ARFGAP1: variants seen among roughly 807,000 people sequenced by gnomAD.
ARFGAP1 encodes the protein ARF GTPase activating protein 1.
Under a neutral mutation model 54.0 loss-of-function variants are expected in ARFGAP1, and 26 were observed. The ratio of observed to expected loss-of-function variants is 0.48; its 90% CI spans 0.35 to 0.67. The LOEUF is 0.67. Among genes scored for constraint, ARFGAP1 ranks in the 30% least tolerant of loss-of-function variants. The pLI is 0.00. For synonymous variants in ARFGAP1, 248 were observed against 211.9 expected (o/e 1.17, Z -1.48); for missense variants, 525 against 535.8 (o/e 0.98, Z 0.20).
At chr20:63,273,726 C>G (rs910219023) in intron 1 of ARFGAP1, among the ~76,000 whole-genome samples, 1 of 152,184 alleles carries the variant, frequency 6.6e-6, no homozygotes, top group Admixed American at 6.5e-5. Flanking sequence ...CTTTTGTTTG[C>G]CTGTGTCTGT....
chr20:63,275,164 AGTGTGGTGT>A (rs1310548708), intron 1 of ARFGAP1, among the ~76,000 whole-genome samples: 1 of 152,218 alleles, frequency 6.6e-6, no homozygotes, highest in Non-Finnish European at 1.5e-5. Context: ...GATCAGCCCA[AGTGTGGTGT>A]GTCGCCTTTT....
chr20:63,284,356 T>G, intron 9 of ARFGAP1: 1 of 1,059,158 alleles, frequency 9.4e-7, no homozygotes, highest in South Asian at 3.5e-5. Flanking sequence ...TCACACCACA[T>G]CCCCAGGTGG....
intron 12 of ARFGAP1, 29 bp downstream of exon 12, chr20:63,286,471 A>G: frequency 1.2e-6 from 2 of 1,603,706 alleles, no homozygotes; most frequent in Non-Finnish European, 1.7e-6. Flanking sequence ...TGGGCCTTGC[A>G]TCCCACTCCC....
chr20:63,284,349 C>T (rs757856289), intron 9 of ARFGAP1: 197 of 1,072,850 alleles, frequency 1.8e-4, no homozygotes, highest in Non-Finnish European at 2.2e-4. Context: ...GGAGGCCTCA[C>T]ACCACATCCC....
At chr20:63,286,902 T>C in intron 12 of ARFGAP1, 1 of 178,072 alleles carries the variant, frequency 5.6e-6, no homozygotes, top group Non-Finnish European at 1.2e-5. Context: ...AGACCTGTCC[T>C]GGGCCCCATG....
At chr20:63,284,473 G>T (rs1455133928) in intron 9 of ARFGAP1, 12 of 1,107,604 alleles carry the variant, frequency 1.1e-5, no homozygotes, top group East Asian at 6.6e-5. Context: ...CTCCAGGGGG[G>T]ACTCGGTGCC....
At chr20:63,284,840 G>A in intron 9 of ARFGAP1, 26 bp from the exon 10 acceptor site, 1 of 1,611,700 alleles carries the variant, frequency 6.2e-7, no homozygotes. Flanking sequence ...GCTGTCGTGG[G>A]GCTCACGTGA....
chr20:63,278,888 T>C lies in ARFGAP1; in HGVS notation c.531-11T>C. The stretch of plus-strand genomic sequence containing the variant: ...CCAGCATCTTCGGCCTCTTGTCCGC[T>C]TTGTTTTCAGGGCCCAGGGGAATCG... On this transcript the variant is annotated splice_polypyrimidine_tract_variant and intron_variant, in intron 6 of 12. Coordinates refer to ENST00000370283, the MANE Select transcript of ARFGAP1 (RefSeq NM_018209.4). 1 of 1,614,016 alleles carries C rather than the reference T, an allele frequency of 6.2e-7. No individual in the cohort carries two copies. Among genetic ancestry groups the C allele is most frequent in the Non-Finnish European group, 8.5e-7 (1 of 1,179,904 alleles).
At chr20:63,274,923 A>AC (rs1395600649) in intron 1 of ARFGAP1, among the ~76,000 whole-genome samples, 1 of 152,150 alleles carries the variant, frequency 6.6e-6, no homozygotes, top group African/African-American at 2.4e-5. Context: ...CCCGTGAGTC[A>AC]CTGTGGTGGG....
intron 9 of ARFGAP1, chr20:63,284,344 C>T: frequency 1.9e-6 from 2 of 1,071,882 alleles, no homozygotes; most frequent in Non-Finnish European, 2.3e-6. Flanking sequence ...GAAGAGGAGG[C>T]CTCACACCAC....
intron 11 of ARFGAP1, chr20:63,286,107 T>C: frequency 6.5e-7 from 1 of 1,549,866 alleles, no homozygotes; most frequent in Non-Finnish European, 8.7e-7. Flanking sequence ...GCCTCGCTCC[T>C]CCCCCCCAAG....
At position 63,288,560 on chromosome 20, in the gene ARFGAP1, GCTGGAACTTGACCATC is replaced by G; in HGVS notation, c.*695_*710del. On this transcript the variant is annotated 3_prime_UTR_variant, in exon 13 of 13. Coordinates refer to ENST00000370283, the MANE Select transcript of ARFGAP1 (RefSeq NM_018209.4). ...CACCCACACCTGAGCTGTTCTCAGT[GCTGGAACTTGACCATC>G]CTGGAACACCCTGGAAGAAAAAGGA... is the stretch of plus-strand genomic sequence containing the variant. 1 of 452,712 alleles carries G rather than the reference GCTGGAACTTGACCATC, an allele frequency of 2.2e-6. No homozygotes were observed. Among genetic ancestry groups the G allele is most frequent in the South Asian group, 1.6e-5 (1 of 64,496 alleles). 28.0% of individuals were successfully genotyped at this position (452,712 alleles called of 1,614,324 possible). A position where few individuals can be genotyped will look rare whatever the true frequency, so the allele number is the denominator to read the frequency against.
chr20:63,274,708 A>C (rs532547997), intron 1 of ARFGAP1, among the ~76,000 whole-genome samples: 3 of 152,138 alleles, frequency 2.0e-5, no homozygotes, highest in African/African-American at 7.2e-5. Flanking sequence ...CGTGGTGTGC[A>C]GGGCCACTGG....
chr20:63,287,466 G>C, intron 12 of ARFGAP1, 98 bp from the exon 13 acceptor site: 1 of 1,184,902 alleles, frequency 8.4e-7, no homozygotes, highest in Non-Finnish European at 1.2e-6. Flanking sequence ...GCCTGGGAAG[G>C]CGGTCACTGT....
At chr20:63,277,562 G>A (rs1206256568) in intron 5 of ARFGAP1, among the ~76,000 whole-genome samples, 1 of 152,194 alleles carries the variant, frequency 6.6e-6, no homozygotes, top group Non-Finnish European at 1.5e-5. Context: ...TGTCTGCCGT[G>A]GCGCTGTGGG....
In ARFGAP1 at chr20:63,276,672, C is replaced by T; in HGVS notation, c.342+21C>T. The T allele has an allele frequency of 2.5e-6, 4 of 1,586,380 alleles. No individual in the cohort carries two copies. The highest frequency in any genetic ancestry group is 3.4e-6 in the Non-Finnish European group (4 of 1,164,204). ...ATAAGGTAGAGATGGGCCCGATTCACTCTTGCCCATGGTGTGGGGCTGCCC... is the reference window on the plus strand; with the variant it reads ...ATAAGGTAGAGATGGGCCCGATTCATTCTTGCCCATGGTGTGGGGCTGCCC... On this transcript the variant is annotated intron_variant, in intron 4 of 12. Transcript: ENST00000370283. This position sits in a 1 kb window ranked among gnomAD's most constrained non-coding sequence, Gnocchi z 5.2.
chr20:63,288,284 G>A lies in ARFGAP1; in HGVS notation c.*411G>A, dbSNP rs1329078748. On this transcript the variant is annotated 3_prime_UTR_variant, in exon 13 of 13. Transcript: ENST00000370283. ...GACGTGAGGTGTCCCTTCTCGTTGA[G>A]ATATTTAACTTTGGTTTTGCTCTAG... 3 of 488,290 alleles carry A rather than the reference G, an allele frequency of 6.1e-6. No individual in the cohort carries two copies. Among genetic ancestry groups the A allele is most frequent in the Admixed American group, 4.6e-5 (2 of 43,390 alleles). The allele number at this position is 488,290 out of a possible 1,614,324, so 30.2% of individuals were successfully genotyped here. A position where few individuals can be genotyped will look rare whatever the true frequency, so the allele number is the denominator to read the frequency against.
In ARFGAP1 at chr20:63,288,186, A is replaced by G; in HGVS notation, c.*313A>G. 1.7e-6 allele frequency: 1 copy of G among 574,060 alleles called. No individual in the cohort carries two copies. The highest frequency in any genetic ancestry group is 3.3e-6 in the Non-Finnish European group (1 of 307,100). 35.6% of individuals were successfully genotyped at this position (574,060 alleles called of 1,614,324 possible). A position where few individuals can be genotyped will look rare whatever the true frequency, so the allele number is the denominator to read the frequency against. ...GTGGGCTGCAGCACAGAGGCCTGTG[A>G]CTGCGTTCCAGCGGCCAGTTCACTA... On this transcript the variant is annotated 3_prime_UTR_variant, in exon 13 of 13. Transcript: ENST00000370283.
At chr20:63,281,397 A>G (rs1317506270) in intron 8 of ARFGAP1, 50 bp downstream of exon 8, 1 of 1,551,244 alleles carries the variant, frequency 6.4e-7, no homozygotes, top group Non-Finnish European at 8.7e-7. Flanking sequence ...CCCTCGGGAC[A>G]CTGGCTGCTG....
Sources: allele counts gnomAD v4.1 joint callset (sites outside exome capture counted in the v4.1 genomes callset), GRCh38; gene constraint gnomAD v4.1.1; non-coding constraint Gnocchi (gnomAD v3.1); transcripts MANE v1.5; gene names NCBI Gene and HGNC (gene_info 2026-07-23, HGNC 2026-07-21).